Variants in DST observed in about 807,000 individuals in gnomAD.
The protein encoded by DST is bullous pemphigoid antigen.
A neutral mutation model predicts 875.2 loss-of-function variants in DST; 253 were observed. The ratio of observed to expected loss-of-function variants is 0.29; its 90% CI spans 0.26 to 0.32. The LOEUF (loss-of-function observed/expected upper bound fraction) is 0.32, where lower values mean the gene tolerates loss of function less well. DST is among the 10% of genes least tolerant of loss of function. The pLI is 1.00. For synonymous variants in DST, 3,124 were observed against 3,197.1 expected (o/e 0.98, Z 0.77); for missense variants, 8,287 against 9,111.6 (o/e 0.91, Z 3.68).
At chr6:56,873,774 G>A (rs1178058766) in intron 3 of DST, among the ~76,000 whole-genome samples, 2 of 152,134 alleles carry the variant, frequency 1.3e-5, no homozygotes, top group Non-Finnish European at 2.9e-5. Context: ...CACTCAGAAG[G>A]AACAAGATCT....
chr6:56,719,560 T>C (rs1357994227), intron 5 of DST, among the ~76,000 whole-genome samples: 3 of 152,222 alleles, frequency 2.0e-5, no homozygotes, highest in Non-Finnish European at 4.4e-5. Flanking sequence ...TATTTGAAAG[T>C]CACATTTGCA....
At chr6:56,781,203 T>C (rs990496273) in intron 4 of DST, among the ~76,000 whole-genome samples, 6 of 152,188 alleles carry the variant, frequency 3.9e-5, no homozygotes, top group Middle Eastern at 6.8e-3. Context: ...GACTTGGTGA[T>C]GCGGGCTTTT....
At position 56,606,076 on chromosome 6, in the gene DST, T is replaced by C. The variant is rs1247987115; in HGVS notation, c.8552A>G (p.Asn2851Ser). 6.2e-7 allele frequency: 1 copy of C among 1,613,050 alleles called. No homozygotes were observed. Among genetic ancestry groups the C allele is most frequent in the Non-Finnish European group, 8.5e-7 (1 of 1,179,306 alleles). ...ASILNENSDENENINTMILLD... is the reference protein window; with the variant it reads ...ASILNENSDESENINTMILLD... ...AAGAATCATTGTATTAATATTTTCATTTTCATCACTGTTTTCATTTAAAAT... is the reference window on the plus strand; with the variant it reads ...AAGAATCATTGTATTAATATTTTCACTTTCATCACTGTTTTCATTTAAAAT... Residue 2851 changes from asparagine (N) to serine (S), a missense_variant, in exon 40 of 104, where the codon AAT becomes AGT. Coordinates refer to ENST00000680361, the MANE Select transcript of DST (RefSeq NM_001374736.1).
At chr6:56,514,819 T>A (rs570904080) in intron 72 of DST, among the ~76,000 whole-genome samples, 13 of 152,338 alleles carry the variant, frequency 8.5e-5, no homozygotes, top group Non-Finnish European at 1.5e-4. Flanking sequence ...AAGAGGGCTT[T>A]ATGTGCCATT....
intron 9 of DST, among the ~76,000 whole-genome samples, chr6:56,696,963 A>G (rs2099267511): frequency 6.6e-6 from 1 of 152,056 alleles, no homozygotes; most frequent in Admixed American, 6.5e-5. Context: ...TTCCGATAAA[A>G]TCAGTGATCA....
At position 56,631,286 on chromosome 6, in the gene DST, G is replaced by C. The variant is rs1229683053; in HGVS notation, c.4067C>G (p.Thr1356Ser). 17 of 1,613,910 alleles carry C rather than the reference G, an allele frequency of 1.1e-5. No individual in the cohort carries two copies. The highest frequency in any genetic ancestry group is 2.2e-5 in the East Asian group (1 of 44,848). Residue 1356 changes from threonine to serine, a missense_variant, in exon 30 of 104, where the codon ACC (threonine) becomes AGC (serine). Transcript: ENST00000680361. ...GACCACATTAAGCTCTGATCGTAGG[G>C]TAGGGACTGATGAAGAGGCTGCTGC... ...SQAAASSSVP[T>S]LRSELNVVLQ...
At chr6:56,817,815 C>T (rs72881047) in intron 4 of DST, among the ~76,000 whole-genome samples, 7,652 of 152,200 alleles carry the variant, frequency 0.05, 224 homozygotes, top group Non-Finnish European at 0.078. Context: ...AAGATGTGCA[C>T]ATCCTAATCT....
rs1315819056 is a variant in DST, at chr6:56,536,922, T to A, written c.16627A>T (p.Ile5543Phe). ...NMFKVFQKEE[I>F]EPLQGKQQDV... is the part of the protein sequence containing the mutation. Reference sequence around the variant, plus strand: ...TGCTGTTTACCTTGCAAGGGTTCAATCTCTTCTTTCTGGAATACCTGCAGT... The same window carrying A: ...TGCTGTTTACCTTGCAAGGGTTCAAACTCTTCTTTCTGGAATACCTGCAGT... Residue 5543 changes from isoleucine (I) to phenylalanine (F), a missense_variant, in exon 62 of 104, where the codon ATT (isoleucine) becomes TTT (phenylalanine). By Grantham distance (21) the Ile-to-Phe change is conservative. Around this residue, in one of 10 missense-constraint regions of DST, gnomAD observed 777 missense variants for 764.8 expected, o/e 1.02. Coordinates refer to ENST00000680361, the MANE Select transcript of DST (RefSeq NM_001374736.1). 1.9e-6 allele frequency: 3 copies of A among 1,613,926 alleles called. No homozygotes were observed. The highest frequency in any genetic ancestry group is 8.5e-7 in the Non-Finnish European group (1 of 1,179,832).
At chr6:56,557,208 G>A (rs2097438488) in intron 59 of DST, 111 bp downstream of exon 59, 1 of 930,426 alleles carries the variant, frequency 1.1e-6, no homozygotes, top group Non-Finnish European at 1.7e-6. Context: ...ATACTTCAAA[G>A]CAGTTAAATA....
chr6:56,625,331 T>C, intron 34 of DST, 67 bp from the exon 35 acceptor site: 1 of 996,060 alleles, frequency 1.0e-6, no homozygotes, highest in East Asian at 2.4e-5. Context: ...TCTACAATAA[T>C]TTAACACAGA....
chr6:56,570,381 C>T (rs1212646736), intron 53 of DST, among the ~76,000 whole-genome samples: 1 of 152,154 alleles, frequency 6.6e-6, no homozygotes, highest in Non-Finnish European at 1.5e-5. Context: ...GCTTGTTTTC[C>T]TGAAACTAGG....
At chr6:56,501,472 T>C in intron 79 of DST, 48 bp downstream of exon 79, 1 of 1,327,638 alleles carries the variant, frequency 7.5e-7, no homozygotes, top group South Asian at 1.6e-5. Flanking sequence ...TACATTAATA[T>C]CTGAAATTGA....
chr6:56,483,900 C>T (rs796110939), intron 88 of DST: 13 of 152,198 alleles, frequency 8.5e-5, no homozygotes, highest in Middle Eastern at 3.4e-3. Flanking sequence ...CAAACACACA[C>T]GTATACACCA....
intron 4 of DST, among the ~76,000 whole-genome samples, chr6:56,763,270 C>T (rs1186675796): frequency 6.6e-6 from 1 of 152,194 alleles, no homozygotes; most frequent in Non-Finnish European, 1.5e-5. Flanking sequence ...AGCATTAATT[C>T]ATGCCTTCTC....
chr6:56,912,963 C>T (rs1334570935), intron 2 of DST, among the ~76,000 whole-genome samples: 1 of 152,180 alleles, frequency 6.6e-6, no homozygotes, highest in African/African-American at 2.4e-5. Context: ...GAGCTGGTGG[C>T]AAAATCAAAT....
At chr6:56,881,556 C>T (rs1782234573) in intron 3 of DST, among the ~76,000 whole-genome samples, 1 of 152,116 alleles carries the variant, frequency 6.6e-6, no homozygotes, top group South Asian at 2.1e-4. Flanking sequence ...CAGACAATGC[C>T]TGACATCCAA....
intron 3 of DST, among the ~76,000 whole-genome samples, chr6:56,862,373 G>A (rs1452757220): frequency 6.6e-6 from 1 of 152,044 alleles, no homozygotes; most frequent in Non-Finnish European, 1.5e-5. Flanking sequence ...AGTGTTTGAG[G>A]GGGGAAGATG....
chr6:56,610,088 T>TA (rs1230477213), intron 39 of DST, among the ~76,000 whole-genome samples: 1 of 152,158 alleles, frequency 6.6e-6, no homozygotes, highest in Admixed American at 6.6e-5. Context: ...ATGCCACCTT[T>TA]AGAGATGACC....
At chr6:56,584,858 G>A (rs1168624982) in intron 49 of DST, among the ~76,000 whole-genome samples, 1 of 152,064 alleles carries the variant, frequency 6.6e-6, no homozygotes, top group African/African-American at 2.4e-5. Context: ...TAATCATGTG[G>A]TTTTTGTCTT....
Sources: gnomAD v4.1 joint callset for allele counts (sites outside exome capture counted in the v4.1 genomes callset) on GRCh38, gnomAD v4.1.1 for gene constraint, gnomAD v4.1.1 regional missense constraint, MANE v1.5 for transcripts, NCBI Gene and HGNC (gene_info 2026-07-23, HGNC 2026-07-21) for gene names.